The following KAZN variants were observed in gnomAD, a reference collection of about 807,000 sequenced individuals.
KAZN encodes the protein kazrin.
In KAZN, 40 loss-of-function variants were observed where a neutral mutation model predicts 87.4. That is an observed-to-expected ratio of 0.46 (90% CI 0.36 to 0.60). The LOEUF (loss-of-function observed/expected upper bound fraction) is 0.60. Ranked by LOEUF, KAZN falls within the 20% of genes least tolerant of loss-of-function variation. The pLI, the probability that KAZN is intolerant of heterozygous loss-of-function variation, is 0.00. For synonymous variants in KAZN, 466 were observed against 458.3 expected (o/e 1.02, Z -0.22); for missense variants, 898 against 1,073.9 (o/e 0.84, Z 2.29).
chr1:14,333,001 A>T (rs113015410), intron 2 of KAZN, among the ~76,000 whole-genome samples: 58 of 152,230 alleles, frequency 3.8e-4, no homozygotes, highest in African/African-American at 1.3e-3. Context: ...TAAGCCCAGC[A>T]TGCATTAGCT....
chr1:15,087,097 G>A (rs1640293083), intron 8 of KAZN, among the ~76,000 whole-genome samples: 1 of 152,198 alleles, frequency 6.6e-6, no homozygotes, highest in Admixed American at 6.5e-5. Context: ...ACCAACGGAG[G>A]GTGGCGGGGA....
At chr1:14,837,179 A>G (rs1647345349) in intron 1 of KAZN, among the ~76,000 whole-genome samples, 1 of 152,184 alleles carries the variant, frequency 6.6e-6, no homozygotes, top group African/African-American at 2.4e-5. Flanking sequence ...TTATGGTGCT[A>G]AAATACATCC....
chr1:14,246,460 T>G (rs990743549), intron 2 of KAZN, among the ~76,000 whole-genome samples: 5 of 152,166 alleles, frequency 3.3e-5, no homozygotes, highest in Admixed American at 1.3e-4. Flanking sequence ...CCATAAATGT[T>G]GCAAAATTGT....
rs771053364 is a variant in KAZN at position 14,856,427 on chromosome 1, T to C, written c.227-104257T>C. ...GGAGGCAATATTTCCATAGGTGGCA[T>C]AGCTAAAGACATTACAAAGGGCTGG... On this transcript the variant is annotated intron_variant, in intron 1 of 14. Coordinates refer to ENST00000376030, the MANE Select transcript of KAZN (RefSeq NM_201628.3). This position sits in a 1 kb window ranked among gnomAD's most constrained non-coding sequence, Gnocchi z 5.2. Among the ~76,000 whole-genome samples, 8 of 152,220 alleles carry C rather than the reference T, an allele frequency of 5.3e-5. No homozygotes were observed. Among genetic ancestry groups the C allele is most frequent in the Non-Finnish European group, 1.2e-4 (8 of 68,038 alleles).
intron 8 of KAZN, among the ~76,000 whole-genome samples, chr1:15,075,366 A>G (rs12025419): frequency 0.039 from 5,971 of 152,284 alleles, 275 homozygotes; most frequent in African/African-American, 0.11. Context: ...CCTTTCACTT[A>G]TTAAGGCTCT....
rs1646694461 is a variant in KAZN, at chr1:14,820,060, C to G, written c.227-140624C>G. On this transcript the variant is annotated intron_variant, in intron 1 of 14. Transcript: ENST00000376030. This position sits in a 1 kb window ranked among gnomAD's most constrained non-coding sequence, Gnocchi z 4.1. ...TAGTCCACCCTCACCTCTATCTAAT[C>G]TAGTGGTTCTCCAACTTTAATGTGC... 6.6e-6 allele frequency among the ~76,000 whole-genome samples: 1 copy of G among 152,082 alleles called. No individual in the cohort carries two copies. The highest frequency in any genetic ancestry group is 2.1e-4 in the South Asian group (1 of 4,834).
chr1:14,362,671 C>T (rs1447574589), intron 2 of KAZN, among the ~76,000 whole-genome samples: 2 of 152,118 alleles, frequency 1.3e-5, no homozygotes, highest in African/African-American at 4.8e-5. Context: ...TAGCTTAATT[C>T]CCCCATCAAC....
At chr1:14,392,614 G>T (rs1046651892) in intron 2 of KAZN, among the ~76,000 whole-genome samples, 1 of 152,050 alleles carries the variant, frequency 6.6e-6, no homozygotes, top group East Asian at 1.9e-4. Flanking sequence ...CTTTGTTGTG[G>T]GAGTGTCCTG....
chr1:14,349,948 A>G (rs931504088), intron 2 of KAZN, among the ~76,000 whole-genome samples: 5 of 152,080 alleles, frequency 3.3e-5, no homozygotes, highest in Non-Finnish European at 7.3e-5. Context: ...TATCCTGGCC[A>G]ACATGGCGAA....
intron 1 of KAZN, chr1:14,946,242 A>G (rs1386085932): frequency 1.3e-5 from 2 of 151,982 alleles, no homozygotes. Flanking sequence ...TACCTTCAGA[A>G]GCTGCATGGG....
chr1:14,067,323 T>C (rs1643049240), intron 1 of KAZN, among the ~76,000 whole-genome samples: 1 of 152,210 alleles, frequency 6.6e-6, no homozygotes, highest in South Asian at 2.1e-4. Context: ...TGACATAGAA[T>C]GGGAAACTTT....
intron 1 of KAZN, among the ~76,000 whole-genome samples, chr1:14,036,758 C>CTATT (rs951828334): frequency 6.6e-6 from 1 of 151,950 alleles, no homozygotes; most frequent in Non-Finnish European, 1.5e-5. Context: ...TCTTTGGAGT[C>CTATT]TATTTATTTA....
At chr1:14,276,529 G>A (rs1430777064) in intron 2 of KAZN, among the ~76,000 whole-genome samples, 1 of 152,058 alleles carries the variant, frequency 6.6e-6, no homozygotes, top group African/African-American at 2.4e-5. Flanking sequence ...TGAGGGATGT[G>A]GAGAAGACTC....
At chr1:14,840,678 C>T (rs148521187) in intron 1 of KAZN, among the ~76,000 whole-genome samples, 269 of 152,344 alleles carry the variant, frequency 1.8e-3, no homozygotes, top group African/African-American at 6.0e-3. Context: ...GTCATTTAGC[C>T]TGGATGCTGC....
At chr1:14,389,423 G>T (rs6686602) in intron 2 of KAZN, among the ~76,000 whole-genome samples, 110,722 of 152,140 alleles carry the variant, frequency 0.73, 41,523 homozygotes, top group African/African-American at 0.91. Flanking sequence ...TGCAGATCTA[G>T]TCACAATAGT....
At chr1:14,558,135 C>T (rs149285145) in intron 2 of KAZN, among the ~76,000 whole-genome samples, 47 of 152,310 alleles carry the variant, frequency 3.1e-4, no homozygotes, top group African/African-American at 1.1e-3. Context: ...CAATGCCAGC[C>T]TCCCCTTCCT....
At chr1:14,655,944 C>T (rs540751300) in intron 1 of KAZN, among the ~76,000 whole-genome samples, 8 of 152,218 alleles carry the variant, frequency 5.3e-5, no homozygotes, top group East Asian at 1.9e-4. Context: ...GCAGGGGAGC[C>T]GCAACAACTT....
chr1:14,518,118 G>A (rs1019322622), intron 2 of KAZN, among the ~76,000 whole-genome samples: 1 of 151,454 alleles, frequency 6.6e-6, no homozygotes, highest in African/African-American at 2.4e-5. Flanking sequence ...CGTTAAATGG[G>A]GTAGTTAGTC....
At chr1:14,553,409 T>G (rs1307138070) in intron 2 of KAZN, among the ~76,000 whole-genome samples, 1 of 152,172 alleles carries the variant, frequency 6.6e-6, no homozygotes, top group Non-Finnish European at 1.5e-5. Flanking sequence ...TCTTAAATCT[T>G]GGTAACTAAT....
Sources: allele counts gnomAD v4.1 joint callset (sites outside exome capture counted in the v4.1 genomes callset), GRCh38; gene constraint gnomAD v4.1.1; non-coding constraint Gnocchi (gnomAD v3.1); transcripts MANE v1.5; gene names NCBI Gene and HGNC (gene_info 2026-07-23, HGNC 2026-07-21).